Variants in CDC42EP3 observed in about 807,000 individuals in gnomAD.
The protein encoded by CDC42EP3 is CDC42 effector protein (Rho GTPase binding) 3.
Under a neutral mutation model 15.5 loss-of-function variants are expected in CDC42EP3, and 4 were observed. The ratio of observed to expected loss-of-function variants is 0.26; its 90% CI spans 0.13 to 0.59. The LOEUF is 0.59. Ranked by LOEUF, CDC42EP3 falls within the 20% of genes least tolerant of loss-of-function variation. The pLI is 0.89. For synonymous variants in CDC42EP3, 145 were observed against 130.3 expected (o/e 1.11, Z -0.77); for missense variants, 309 against 311.2 (o/e 0.99, Z 0.05).
chr2:37,665,132 T>TATAA (rs1038623738), intron 1 of CDC42EP3, among the ~76,000 whole-genome samples: 1 of 151,092 alleles, frequency 6.6e-6, no homozygotes, highest in Non-Finnish European at 1.5e-5. Flanking sequence ...CCCCTTTATA[T>TATAA]ATATATAAAG....
Position 37,646,581 on chromosome 2 carries a change from C to G in CDC42EP3, c.7G>C (p.Ala3Pro). 6.5e-7 allele frequency: 1 copy of G among 1,534,128 alleles called. No homozygotes were observed. The highest frequency in any genetic ancestry group is 8.7e-7 in the Non-Finnish European group (1 of 1,144,720). The change falls in exon 2 of 2, where the codon GCC (alanine) becomes CCC (proline). Residue 3 changes from alanine (A) to proline (P), a missense_variant. Physicochemically the swap from Ala to Pro is conservative, Grantham distance 27. Transcript: ENST00000295324. ...GCTTTCAGGTAAATTGGGGTCTTGG[C>G]TGGCATTTTGGAATTTGAGAATGTC... is the stretch of plus-strand genomic sequence containing the variant. MP[A>P]KTPIYLKAAN...
intron 1 of CDC42EP3, among the ~76,000 whole-genome samples, chr2:37,665,951 G>A (rs534177158): frequency 3.7e-4 from 56 of 152,252 alleles, no homozygotes; most frequent in African/African-American, 1.3e-3. Context: ...AGAGGTCAAG[G>A]TTATACAATT....
chr2:37,669,998 C>T (rs1227650968), intron 1 of CDC42EP3, among the ~76,000 whole-genome samples: 1 of 152,154 alleles, frequency 6.6e-6, no homozygotes, highest in Non-Finnish European at 1.5e-5. Flanking sequence ...TAAGAGCTCA[C>T]ACAAATTGCA....
chr2:37,654,040 C>CCAT (rs1182857080), intron 1 of CDC42EP3, among the ~76,000 whole-genome samples: 2 of 152,192 alleles, frequency 1.3e-5, no homozygotes, highest in Non-Finnish European at 2.9e-5. Context: ...CACTACTGCA[C>CCAT]CATCTGAGCC....
chr2:37,669,995 T>C (rs2124641514), intron 1 of CDC42EP3, among the ~76,000 whole-genome samples: 2 of 152,290 alleles, frequency 1.3e-5, no homozygotes, highest in Admixed American at 1.3e-4. Flanking sequence ...CAATAAGAGC[T>C]CACACAAATT....
At chr2:37,668,873 A>G (rs575753556) in intron 1 of CDC42EP3, among the ~76,000 whole-genome samples, 5 of 152,198 alleles carry the variant, frequency 3.3e-5, no homozygotes, top group Admixed American at 2.0e-4. Flanking sequence ...ACAATGCAAT[A>G]TATTAGGAAA....
chr2:37,658,786 C>A (rs149216997), intron 1 of CDC42EP3, among the ~76,000 whole-genome samples: 148 of 152,292 alleles, frequency 9.7e-4, no homozygotes, highest in Non-Finnish European at 1.8e-3. Context: ...TACTCCTGGC[C>A]CCCATGATCT....
intron 1 of CDC42EP3, among the ~76,000 whole-genome samples, chr2:37,670,916 C>T (rs1572532196): frequency 6.6e-6 from 1 of 152,164 alleles, no homozygotes; most frequent in Admixed American, 6.5e-5. Flanking sequence ...AGCTGTTCAC[C>T]GTCAAAAAAC....
chr2:37,658,214 A>C (rs1665943459), intron 1 of CDC42EP3, among the ~76,000 whole-genome samples: 1 of 152,194 alleles, frequency 6.6e-6, no homozygotes. Context: ...TGCTACTCAA[A>C]GTGGGTTCAT....
Position 37,645,930 on chromosome 2 carries a change from A to C in CDC42EP3, c.658T>G (p.Ser220Ala), listed in dbSNP as rs1234233984. Reference sequence around the variant, plus strand: ...GTAAGGTCAGAGAGGGACTCCTCTGACTTAGTCTTTCCCTTGATGAGCTCG... The same window carrying C: ...GTAAGGTCAGAGAGGGACTCCTCTGCCTTAGTCTTTCCCTTGATGAGCTCG... The part of the protein sequence containing the change: ...PCELIKGKTK[S>A]EESLSDLTGS... The change falls in exon 2 of 2, where the codon TCA becomes GCA. Residue 220 changes from serine to alanine, a missense_variant. By Grantham distance (99) the Ser-to-Ala change is moderately conservative. Transcript: ENST00000295324. The C allele has an allele frequency of 1.2e-6, 2 of 1,613,804 alleles. No individual in the cohort carries two copies. The highest frequency in any genetic ancestry group is 3.3e-5 in the Admixed American group (2 of 59,998).
At chr2:37,659,634 ACT>A (rs1211182634) in intron 1 of CDC42EP3, among the ~76,000 whole-genome samples, 2 of 152,230 alleles carry the variant, frequency 1.3e-5, no homozygotes, top group Non-Finnish European at 2.9e-5. Context: ...AAACTCAGTG[ACT>A]CTACTTAAAT....
chr2:37,653,323 A>G (rs1665748444), intron 1 of CDC42EP3, among the ~76,000 whole-genome samples: 1 of 152,182 alleles, frequency 6.6e-6, no homozygotes, highest in Non-Finnish European at 1.5e-5. Flanking sequence ...CCGGAGAGGA[A>G]GCTACGGCCC....
At chr2:37,661,224 A>C (rs575163640) in intron 1 of CDC42EP3, among the ~76,000 whole-genome samples, 2 of 152,226 alleles carry the variant, frequency 1.3e-5, no homozygotes, top group Admixed American at 6.5e-5. Flanking sequence ...CTACTATCAC[A>C]TGTATCTTCA....
At chr2:37,660,179 C>T (rs1666011316) in intron 1 of CDC42EP3, among the ~76,000 whole-genome samples, 1 of 152,204 alleles carries the variant, frequency 6.6e-6, no homozygotes. Flanking sequence ...AAACTATTCT[C>T]ATTGCCAAAA....
chr2:37,670,555 C>G (rs575583029), intron 1 of CDC42EP3, among the ~76,000 whole-genome samples: 1 of 150,218 alleles, frequency 6.7e-6, no homozygotes, highest in African/African-American at 2.5e-5. Context: ...GGGGCTTTTA[C>G]TCCTTTCAAC....
intron 1 of CDC42EP3, among the ~76,000 whole-genome samples, chr2:37,669,154 G>T (rs1030306982): frequency 6.6e-6 from 1 of 150,508 alleles, no homozygotes; most frequent in Non-Finnish European, 1.5e-5. Context: ...GAGGTTTTTA[G>T]GTTACGAATT....
chr2:37,645,923 T>A lies in CDC42EP3; in HGVS notation c.665A>T (p.Glu222Val). The A allele has an allele frequency of 6.2e-7, 1 of 1,613,186 alleles. No homozygotes were observed. The highest frequency in any genetic ancestry group is 8.5e-7 in the Non-Finnish European group (1 of 1,179,406). ...GGAACCTGTAAGGTCAGAGAGGGAC[T>A]CCTCTGACTTAGTCTTTCCCTTGAT... ...ELIKGKTKSE[E>V]SLSDLTGSLL... Residue 222 changes from glutamate (E) to valine (V), a missense_variant, in exon 2 of 2, where the codon GAG becomes GTG. Transcript: ENST00000295324.
At chr2:37,662,100 T>C (rs1003579029) in intron 1 of CDC42EP3, among the ~76,000 whole-genome samples, 1 of 151,880 alleles carries the variant, frequency 6.6e-6, no homozygotes, top group African/African-American at 2.4e-5. Flanking sequence ...AAAAAAGTAA[T>C]GTTTTTAAGG....
chr2:37,659,132 C>T lies in CDC42EP3; in HGVS notation c.-236+12294G>A, dbSNP rs2041507. Reference sequence around the variant, plus strand: ...TATTACCACTACTTATTTAACTCTTCCCCAATCAGGCTATAATCTGGGAGA... The same window carrying T: ...TATTACCACTACTTATTTAACTCTTTCCCAATCAGGCTATAATCTGGGAGA... On this transcript the variant is annotated intron_variant, in intron 1 of 1. Coordinates refer to ENST00000295324, the MANE Select transcript of CDC42EP3 (RefSeq NM_006449.5). Among the ~76,000 whole-genome samples the T allele has an allele frequency of 1.7e-3, 253 of 152,274 alleles. 1 individual carries two copies. The highest frequency in any genetic ancestry group is 6.0e-3 in the African/African-American group (249 of 41,544).
Sources: gnomAD v4.1 joint callset for allele counts (sites outside exome capture counted in the v4.1 genomes callset) on GRCh38, gnomAD v4.1.1 for gene constraint, MANE v1.5 for transcripts, NCBI Gene and HGNC (gene_info 2026-07-23, HGNC 2026-07-21) for gene names.